Variants in DLG5 observed in about 807,000 individuals in gnomAD.
The protein encoded by DLG5 is disks large homolog 5.
DLG5 carries 48 observed loss-of-function variants against 189.8 expected under a neutral mutation model. That is an observed-to-expected ratio of 0.25 (90% CI 0.20 to 0.32). DLG5 has a LOEUF of 0.32. DLG5 is among the 10% of genes least tolerant of loss of function. DLG5 has a pLI of 1.00. For synonymous variants in DLG5, 1,016 were observed against 1,054.1 expected (o/e 0.96, Z 0.70); for missense variants, 2,160 against 2,544.7 (o/e 0.85, Z 3.25).
At chr10:77,888,672 G>A (rs78725263) in intron 1 of DLG5, among the ~76,000 whole-genome samples, 79 of 152,190 alleles carry the variant, frequency 5.2e-4, no homozygotes, top group African/African-American at 1.7e-3. Context: ...ATCCACCTGC[G>A]CACCAACACC....
rs762202486 is a variant in DLG5 at position 77,824,410 on chromosome 10, C to A, written c.2356G>T (p.Asp786Tyr). The A allele has an allele frequency of 6.2e-7, 1 of 1,613,994 alleles. No homozygotes were observed. The stretch of plus-strand genomic sequence containing the variant: ...TTCAGGAGGGACAGGGTCAGGGAGT[C>A]CTGGCAGCTGCGCAGCAGAGATTCA... ...ECESLLRSCQ[D>Y]SLTLSLLKVF... The change falls in exon 14 of 32, where the codon GAC (aspartate) becomes TAC (tyrosine). Residue 786 changes from aspartate to tyrosine, a missense_variant. Coordinates refer to ENST00000372391, the MANE Select transcript of DLG5 (RefSeq NM_004747.4).
At chr10:77,939,926 A>G in the DLG5 span, among the ~76,000 whole-genome samples, 1 of 152,222 alleles carries the variant, frequency 6.6e-6, no homozygotes. Flanking sequence ...CAATGGCCAG[A>G]CTATATTTAA....
At chr10:77,917,460 G>A (rs1412028552) in intron 1 of DLG5, among the ~76,000 whole-genome samples, 1 of 151,112 alleles carries the variant, frequency 6.6e-6, no homozygotes, top group Non-Finnish European at 1.5e-5. Context: ...AAGCTGCAGT[G>A]AGCCATGAGT....
intron 1 of DLG5, among the ~76,000 whole-genome samples, chr10:77,871,603 C>T (rs1415615665): frequency 1.6e-5 from 2 of 124,830 alleles, no homozygotes; most frequent in South Asian, 2.6e-4. Flanking sequence ...AGTGCAATGG[C>T]GCGATCTCGG....
At chr10:77,817,628 C>T (rs1440946119) in intron 18 of DLG5, 149 bp downstream of exon 18, 1 of 677,502 alleles carries the variant, frequency 1.5e-6, no homozygotes, top group East Asian at 2.7e-5. Context: ...ATGAAGGAAG[C>T]AGCCCTTCCC....
intron 4 of DLG5, among the ~76,000 whole-genome samples, chr10:77,853,969 T>C (rs1212053336): frequency 6.6e-6 from 1 of 152,226 alleles, no homozygotes; most frequent in Non-Finnish European, 1.5e-5. Context: ...GCCTGAGCCC[T>C]GCTGCATGTT....
At chr10:77,912,088 C>T (rs1258451965) in intron 1 of DLG5, among the ~76,000 whole-genome samples, 3 of 150,300 alleles carry the variant, frequency 2.0e-5, no homozygotes, top group Admixed American at 6.6e-5. Context: ...GTTGTCCTAG[C>T]TACTCAGGGA....
At chr10:77,937,919 T>C in the DLG5 span, among the ~76,000 whole-genome samples, 2 of 145,524 alleles carry the variant, frequency 1.4e-5, no homozygotes, top group Non-Finnish European at 3.0e-5. Context: ...GGTTTCACCA[T>C]GTTGGCCAGG....
In DLG5 at chr10:77,794,227, G is replaced by T. The variant is rs946541462; in HGVS notation, c.5547-110C>A. On this transcript the variant is annotated intron_variant, in intron 30 of 31. Coordinates refer to ENST00000372391, the MANE Select transcript of DLG5 (RefSeq NM_004747.4). ...CATCAAGGCAGGGGTAGGCTGTGGA[G>T]GGAGGCCCCATGTGCTCCCCACATA... is the stretch of plus-strand genomic sequence containing the variant. 7.8e-6 allele frequency: 7 copies of T among 899,174 alleles called. No individual in the cohort carries two copies. The African/African-American group carries it at 9.9e-5, about 13-fold the overall frequency. The allele number at this position is 899,174 out of a possible 1,614,324, so 55.7% of individuals were successfully genotyped here.
At chr10:77,847,502 G>A (rs1480700542) in intron 5 of DLG5, among the ~76,000 whole-genome samples, 2 of 152,168 alleles carry the variant, frequency 1.3e-5, no homozygotes, top group South Asian at 4.1e-4. Flanking sequence ...TGCCAGGCCT[G>A]TACTATGTAA....
In DLG5 at chr10:77,819,394, GCA is replaced by G; in HGVS notation, c.3596_3597del (p.Val1199AlafsTer67). ...CTGCAGGGGCCGACCCTGTGACTGCGCACAGTGTAGATGGGGTTCCGCAGGAT... is the reference window on the plus strand; with the variant it reads ...CTGCAGGGGCCGACCCTGTGACTGCGCAGTGTAGATGGGGTTCCGCAGGAT... ...SSILRNPIYT[V>X]RSHRVGPCSS... On this transcript the variant is annotated frameshift_variant, in exon 17 of 32. Coordinates refer to ENST00000372391, the MANE Select transcript of DLG5 (RefSeq NM_004747.4). LOFTEE classifies it high-confidence loss of function. The G allele has an allele frequency of 6.2e-7, 1 of 1,614,102 alleles. No individual in the cohort carries two copies. Among genetic ancestry groups the G allele is most frequent in the Non-Finnish European group, 8.5e-7 (1 of 1,180,010 alleles).
intron 1 of DLG5, among the ~76,000 whole-genome samples, chr10:77,871,450 T>C (rs1308592891): frequency 1.3e-5 from 2 of 151,912 alleles, no homozygotes; most frequent in Admixed American, 1.3e-4. Context: ...CCACCTCCCA[T>C]ATCTGAAGTC....
At position 77,830,364 on chromosome 10, in the gene DLG5, A is replaced by G. The variant is rs549323107; in HGVS notation, c.1882-20T>C. 8 of 1,614,152 alleles carry G rather than the reference A, an allele frequency of 5.0e-6. No individual in the cohort carries two copies. The East Asian group carries it at 1.6e-4, about 31-fold the overall frequency. ...ATCCTCCTGCAAAAACAGCAGCAAC[A>G]GCAACGCATTTCACAAAGCAGTGAC... On this transcript the variant is annotated intron_variant, in intron 10 of 31. Coordinates refer to ENST00000372391, the MANE Select transcript of DLG5 (RefSeq NM_004747.4).
chr10:77,903,678 T>C (rs951863210), intron 1 of DLG5, among the ~76,000 whole-genome samples: 2 of 150,636 alleles, frequency 1.3e-5, no homozygotes, highest in Non-Finnish European at 3.0e-5. Flanking sequence ...GTAGAAGGTA[T>C]ATATGAAACA....
At chr10:77,826,426 G>C (rs1842642902) in intron 13 of DLG5, among the ~76,000 whole-genome samples, 1 of 152,062 alleles carries the variant, frequency 6.6e-6, no homozygotes, top group Non-Finnish European at 1.5e-5. Flanking sequence ...AGGAGTTCAA[G>C]ACCAGCCTGG....
At chr10:77,913,592 T>C (rs1052595183) in intron 1 of DLG5, among the ~76,000 whole-genome samples, 4 of 152,122 alleles carry the variant, frequency 2.6e-5, no homozygotes, top group African/African-American at 9.7e-5. Flanking sequence ...GTCTTTTTCA[T>C]TTTTTACTTT....
chr10:77,817,146 C>A (rs751244102), intron 18 of DLG5, 50 bp from the exon 19 acceptor site: 22 of 1,493,770 alleles, frequency 1.5e-5, no homozygotes, highest in Non-Finnish European at 2.1e-5. Context: ...TTAAACACCA[C>A]CCTGTCCTTC....
chr10:77,823,646 T>G (rs551806488), intron 14 of DLG5, among the ~76,000 whole-genome samples: 31 of 151,610 alleles, frequency 2.0e-4, no homozygotes, highest in Non-Finnish European at 4.6e-4. Flanking sequence ...TTCTCCTGCC[T>G]CAGTCTCCTG....
At chr10:77,795,796 T>C in intron 29 of DLG5, among the ~76,000 whole-genome samples, 1 of 152,090 alleles carries the variant, frequency 6.6e-6, no homozygotes, top group Non-Finnish European at 1.5e-5. Context: ...TCATCAGAGA[T>C]GAGACCCCCC....
Sources: gnomAD v4.1 joint callset for allele counts (sites outside exome capture counted in the v4.1 genomes callset) on GRCh38, gnomAD v4.1.1 for gene constraint, MANE v1.5 for transcripts, NCBI Gene and HGNC (gene_info 2026-07-23, HGNC 2026-07-21) for gene names.